Variants in UCHL3 observed in about 807,000 individuals in gnomAD.
UCHL3 encodes the protein ubiquitin C-terminal hydrolase L3.
Under a neutral mutation model 35.8 loss-of-function variants are expected in UCHL3, and 22 were observed. The observed-to-expected ratio is 0.61, with a 90% CI of 0.44 to 0.88. The LOEUF (loss-of-function observed/expected upper bound fraction) is 0.88, where lower values mean the gene tolerates loss of function less well. UCHL3 is among the 40% of genes least tolerant of loss of function. UCHL3 has a pLI of 0.00. For synonymous variants in UCHL3, 90 were observed against 92.8 expected (o/e 0.97, Z 0.17); for missense variants, 229 against 276.9 (o/e 0.83, Z 1.23).
Position 75,569,508 on chromosome 13 carries a change from G to T in UCHL3, c.474+1G>T, listed in dbSNP as rs1292609954. 1.2e-6 allele frequency: 2 copies of T among 1,605,954 alleles called. No homozygotes were observed. The highest frequency in any genetic ancestry group is 1.7e-5 in the Admixed American group (1 of 58,492). On this transcript the variant is annotated splice_donor_variant, in intron 6 of 8. Coordinates refer to ENST00000377595, the MANE Select transcript of UCHL3 (RefSeq NM_006002.5). LOFTEE classifies it high-confidence loss of function. Reference sequence around the variant, plus strand: ...CAGTGCCCATGAAGGTCAGACTGAGGTATTTCACATTTTTTCTAAATTTTT... The same window carrying T: ...CAGTGCCCATGAAGGTCAGACTGAGTTATTTCACATTTTTTCTAAATTTTT...
At chr13:75,575,912 C>A (rs1462594694) in intron 6 of UCHL3, among the ~76,000 whole-genome samples, 1 of 151,986 alleles carries the variant, frequency 6.6e-6, no homozygotes, top group Admixed American at 6.6e-5. Context: ...CCACCACACC[C>A]AGCTAATTTT....
At chr13:75,550,128 G>C in intron 2 of UCHL3, 141 bp downstream of exon 2, 1 of 1,357,228 alleles carries the variant, frequency 7.4e-7, no homozygotes, top group Non-Finnish European at 1.0e-6. Context: ...CTTTACGCGG[G>C]TCCGCCCCTT....
At chr13:75,583,302 C>T (rs2032237401) in intron 6 of UCHL3, among the ~76,000 whole-genome samples, 1 of 152,158 alleles carries the variant, frequency 6.6e-6, no homozygotes, top group African/African-American at 2.4e-5. Flanking sequence ...CACACACCCA[C>T]AAGCTTTGAC....
chr13:75,605,681 T>TAAAA, intron 8 of UCHL3, 48 bp from the exon 9 acceptor site: 1 of 1,556,338 alleles, frequency 6.4e-7, no homozygotes, highest in South Asian at 1.1e-5. Context: ...CATTTGTAAG[T>TAAAA]AAAACACTTT....
rs115964374 is a variant in UCHL3, at chr13:75,562,838, G to T, written c.183+1957G>T. ...TGTACTTACATAAGTAGAAAATGAT[G>T]TAAGTAAATATATAAGTAAGCATAA... On this transcript the variant is annotated intron_variant, in intron 3 of 8. Transcript: ENST00000377595. Among the ~76,000 whole-genome samples the T allele has an allele frequency of 6.7e-3, 1,020 of 152,236 alleles. 9 individuals are homozygous for T. Among genetic ancestry groups the T allele is most frequent in the African/African-American group, 0.022 (926 of 41,564 alleles).
chr13:75,601,096 G>A (rs542018691), intron 7 of UCHL3, among the ~76,000 whole-genome samples: 11 of 152,306 alleles, frequency 7.2e-5, no homozygotes, highest in African/African-American at 2.6e-4. Flanking sequence ...CTGAACTGCT[G>A]CAATCTCATG....
intron 6 of UCHL3, among the ~76,000 whole-genome samples, chr13:75,573,804 G>A (rs2031937909): frequency 6.6e-6 from 1 of 152,190 alleles, no homozygotes; most frequent in South Asian, 2.1e-4. Context: ...ATTTGGCAGG[G>A]GGGACACAAT....
At chr13:75,597,547 T>C (rs187944941) in intron 7 of UCHL3, among the ~76,000 whole-genome samples, 1 of 152,128 alleles carries the variant, frequency 6.6e-6, no homozygotes, top group Admixed American at 6.5e-5. Flanking sequence ...ACATAACAAC[T>C]ATTTACATAG....
intron 2 of UCHL3, among the ~76,000 whole-genome samples, chr13:75,556,832 G>A (rs2031307781): frequency 6.6e-6 from 1 of 152,172 alleles, no homozygotes; most frequent in Non-Finnish European, 1.5e-5. Flanking sequence ...AAGTAAATAG[G>A]TGCCATAGTG....
At chr13:75,590,991 C>A (rs2032465247) in intron 6 of UCHL3, among the ~76,000 whole-genome samples, 1 of 152,104 alleles carries the variant, frequency 6.6e-6, no homozygotes, top group Non-Finnish European at 1.5e-5. Context: ...TGTGGTTTGG[C>A]AGAGCCTCCC....
chr13:75,592,428 A>G (rs190993881), intron 6 of UCHL3, among the ~76,000 whole-genome samples: 129 of 72,682 alleles, frequency 1.8e-3, no homozygotes, highest in African/African-American at 6.7e-3. Context: ...ATATATATAT[A>G]TATATATATA....
At position 75,563,127 on chromosome 13, in the gene UCHL3, T is replaced by TTATGTATGTATG. The variant is rs1215333452; in HGVS notation, c.183+2274_183+2285dup. On this transcript the variant is annotated intron_variant, in intron 3 of 8. Transcript: ENST00000377595. ...ACTGTCATGGGTACCTCATTATCCT[T>TTATGTATGTATG]TATGTATGTATGTATGTATGTATGT... is the stretch of plus-strand genomic sequence containing the variant. Among the ~76,000 whole-genome samples, 21 of 56,412 alleles carry TTATGTATGTATG rather than the reference T, an allele frequency of 3.7e-4. No individual in the cohort carries two copies. In the East Asian group the frequency reaches 3.9e-3, roughly 11 times the overall value. The allele number at this position is 56,412 out of a possible 152,430, so 37.0% of individuals were successfully genotyped here. A position where few individuals can be genotyped will look rare whatever the true frequency, so the allele number is the denominator to read the frequency against.
intron 2 of UCHL3, among the ~76,000 whole-genome samples, chr13:75,553,853 C>G (rs1156386879): frequency 6.6e-6 from 1 of 152,124 alleles, no homozygotes; most frequent in African/African-American, 2.4e-5. Flanking sequence ...CCTTTTCTTC[C>G]CCATCTTCCA....
At chr13:75,605,279 G>A (rs896569401) in intron 8 of UCHL3, among the ~76,000 whole-genome samples, 12 of 152,090 alleles carry the variant, frequency 7.9e-5, no homozygotes, top group Admixed American at 1.3e-4. Context: ...AGGCCGAGGC[G>A]GGTGGATCAC....
At chr13:75,562,240 C>T (rs1373663935) in intron 3 of UCHL3, among the ~76,000 whole-genome samples, 3 of 151,936 alleles carry the variant, frequency 2.0e-5, no homozygotes, top group African/African-American at 7.2e-5. Context: ...AATTTTTTCT[C>T]TTCTACTTAA....
At chr13:75,571,869 C>T (rs778027013) in intron 6 of UCHL3, among the ~76,000 whole-genome samples, 1 of 151,828 alleles carries the variant, frequency 6.6e-6, no homozygotes, top group Non-Finnish European at 1.5e-5. Context: ...ATATTATAAC[C>T]CTAAAATGTG....
At chr13:75,577,021 G>A (rs1471614638) in intron 6 of UCHL3, among the ~76,000 whole-genome samples, 1 of 152,162 alleles carries the variant, frequency 6.6e-6, no homozygotes, top group African/African-American at 2.4e-5. Context: ...AGGCCAAGAA[G>A]GGAGGATCGC....
At chr13:75,581,516 AT>A (rs11330521) in intron 6 of UCHL3, among the ~76,000 whole-genome samples, 64,570 of 109,292 alleles carry the variant, frequency 0.59, 19,383 homozygotes, top group Middle Eastern at 0.73. Flanking sequence ...CACCTGGCTA[AT>A]TTTTTTTTTT....
intron 6 of UCHL3, among the ~76,000 whole-genome samples, chr13:75,572,123 C>G (rs2031882189): frequency 6.6e-6 from 1 of 150,722 alleles, no homozygotes; most frequent in Non-Finnish European, 1.5e-5. Flanking sequence ...CCCTTATTTC[C>G]TTATTTTATT....
Sources: allele counts gnomAD v4.1 joint callset (sites outside exome capture counted in the v4.1 genomes callset), GRCh38; gene constraint gnomAD v4.1.1; transcripts MANE v1.5; gene names NCBI Gene and HGNC (gene_info 2026-07-23, HGNC 2026-07-21).